The following ANKRD13A variants were observed in gnomAD, a reference collection of about 807,000 sequenced individuals.
The protein encoded by ANKRD13A is ankyrin repeat domain-containing protein 13A.
Under a neutral mutation model 81.3 loss-of-function variants are expected in ANKRD13A, and 48 were observed. The observed-to-expected ratio is 0.59, with a 90% CI of 0.47 to 0.75. The LOEUF (loss-of-function observed/expected upper bound fraction) is 0.75. Ranked by LOEUF, ANKRD13A falls within the 30% of genes least tolerant of loss-of-function variation. The probability of loss-of-function intolerance (pLI) is 0.00; values close to 1 mark genes in which losing one functional copy is unlikely to be tolerated. For missense variants in ANKRD13A, 612 were observed against 734.0 expected (o/e 0.83, Z 1.92); for synonymous variants, 230 against 270.1 (o/e 0.85, Z 1.45).
At chr12:110,010,935 A>G (rs910634804) in intron 1 of ANKRD13A, among the ~76,000 whole-genome samples, 2 of 152,158 alleles carry the variant, frequency 1.3e-5, no homozygotes, top group African/African-American at 4.8e-5. Flanking sequence ...AAGATGTATT[A>G]TGGCATTTAA....
intron 11 of ANKRD13A, 117 bp downstream of exon 11, chr12:110,029,752 A>G: frequency 8.4e-7 from 1 of 1,183,728 alleles, no homozygotes; most frequent in South Asian, 1.4e-5. Flanking sequence ...AGTAGCTTAT[A>G]GACATAACAG....
chr12:110,002,344 C>T (rs904721441), intron 1 of ANKRD13A, among the ~76,000 whole-genome samples: 1 of 152,086 alleles, frequency 6.6e-6, no homozygotes, highest in Non-Finnish European at 1.5e-5. Flanking sequence ...AGTCCGGGCA[C>T]GGTGGCTCAT....
chr12:110,015,170 G>A (rs540512335), intron 3 of ANKRD13A, among the ~76,000 whole-genome samples: 1 of 152,256 alleles, frequency 6.6e-6, no homozygotes, highest in South Asian at 2.1e-4. Context: ...CAGGGCTGCT[G>A]TGGTAGTTTA....
intron 13 of ANKRD13A, among the ~76,000 whole-genome samples, chr12:110,034,409 G>GAAGGGTCTCTAGTGAAACAGAA (rs1168619625): frequency 2.6e-4 from 40 of 152,264 alleles, no homozygotes; most frequent in African/African-American, 9.6e-4. Flanking sequence ...AACAGAAAAT[G>GAAGGGTCTCTAGTGAAACAGAA]AAGGACAGGA....
chr12:110,000,088 T>C (rs1889873258), intron 1 of ANKRD13A, among the ~76,000 whole-genome samples: 1 of 152,224 alleles, frequency 6.6e-6, no homozygotes, highest in East Asian at 1.9e-4. Context: ...GCCGCCCCGC[T>C]GATAAATGCC....
intron 3 of ANKRD13A, 95 bp downstream of exon 3, chr12:110,013,344 A>G: frequency 6.8e-7 from 1 of 1,475,252 alleles, no homozygotes; most frequent in Non-Finnish European, 9.3e-7. Context: ...CTTCCTAAAG[A>G]GTTTTCTGAT....
chr12:110,023,092 G>A (rs1383184053), intron 6 of ANKRD13A, among the ~76,000 whole-genome samples: 2 of 152,206 alleles, frequency 1.3e-5, no homozygotes, highest in Non-Finnish European at 2.9e-5. Context: ...GCTGTTCCCT[G>A]AGCTTCCTGC....
intron 1 of ANKRD13A, among the ~76,000 whole-genome samples, chr12:110,004,112 C>T (rs1473814869): frequency 6.6e-6 from 1 of 151,094 alleles, no homozygotes; most frequent in Non-Finnish European, 1.5e-5. Flanking sequence ...GAGCCAAAAT[C>T]GCACCATTGC....
intron 11 of ANKRD13A, among the ~76,000 whole-genome samples, 173 bp downstream of exon 11, chr12:110,029,808 A>T (rs1243380106): frequency 3.3e-5 from 5 of 152,164 alleles, no homozygotes; most frequent in African/African-American, 1.2e-4. Flanking sequence ...AAGTGTTATG[A>T]TTAGTGGTTC....
Position 109,999,510 on chromosome 12 carries a change from C to G in ANKRD13A, c.-179C>G, listed in dbSNP as rs1251843226. 2 of 325,508 alleles carry G rather than the reference C, an allele frequency of 6.1e-6. No homozygotes were observed. The highest frequency in any genetic ancestry group is 2.2e-5 in the African/African-American group (1 of 45,618). 20.2% of individuals were successfully genotyped at this position (325,508 alleles called of 1,614,324 possible). ...GGCGCGGCCGACCTGGTCCCTGAGCCGGCCGGCGACCCCGGACCTCCCGCG... is the reference window on the plus strand; with the variant it reads ...GGCGCGGCCGACCTGGTCCCTGAGCGGGCCGGCGACCCCGGACCTCCCGCG... On this transcript the variant is annotated 5_prime_UTR_variant, in exon 1 of 15. Coordinates refer to ENST00000261739, the MANE Select transcript of ANKRD13A (RefSeq NM_033121.2). The surrounding 1 kb of genome is among the most constrained non-coding windows in gnomAD (Gnocchi z 4.3).
intron 8 of ANKRD13A, 132 bp downstream of exon 8, chr12:110,025,955 T>G: frequency 1.5e-6 from 1 of 649,428 alleles, no homozygotes; most frequent in Non-Finnish European, 2.5e-6. Context: ...ACTTCTTCTC[T>G]CTCTCTCTCT....
intron 6 of ANKRD13A, chr12:110,021,980 G>C (rs1413171868): frequency 1.3e-5 from 2 of 151,842 alleles, no homozygotes; most frequent in African/African-American, 4.8e-5. Context: ...AGTGGCCTTT[G>C]GTGTGGTCTC....
intron 1 of ANKRD13A, among the ~76,000 whole-genome samples, chr12:110,011,314 C>T (rs571512738): frequency 1.3e-5 from 2 of 152,218 alleles, no homozygotes; most frequent in South Asian, 4.1e-4. Flanking sequence ...AGGTAAGAGC[C>T]AGGTGTGCAT....
At chr12:110,025,650 T>G in intron 7 of ANKRD13A, 92 bp from the exon 8 acceptor site, 1 of 879,450 alleles carries the variant, frequency 1.1e-6, no homozygotes, top group Non-Finnish European at 1.8e-6. Context: ...GATTGTTTTC[T>G]GTTTTTTGCT....
intron 4 of ANKRD13A, among the ~76,000 whole-genome samples, chr12:110,017,988 A>C (rs1253618643): frequency 1.3e-5 from 2 of 152,108 alleles, no homozygotes; most frequent in Non-Finnish European, 2.9e-5. Context: ...GGTGGATATG[A>C]CAATATGGTA....
intron 3 of ANKRD13A, among the ~76,000 whole-genome samples, chr12:110,013,779 G>A (rs190120075): frequency 6.6e-6 from 1 of 151,966 alleles, no homozygotes; most frequent in Non-Finnish European, 1.5e-5. Flanking sequence ...GACAGAGCAA[G>A]ACCTAAAATA....
Position 110,016,426 on chromosome 12 carries a change from C to A in ANKRD13A, c.393C>A (p.Thr131=). 1 of 1,593,686 alleles carries A rather than the reference C, an allele frequency of 6.3e-7. No individual in the cohort carries two copies. The highest frequency in any genetic ancestry group is 8.6e-7 in the Non-Finnish European group (1 of 1,165,942). The change falls in exon 4 of 15, where the codon ACC becomes ACA. Residue 131 remains threonine, a synonymous_variant. Coordinates refer to ENST00000261739, the MANE Select transcript of ANKRD13A (RefSeq NM_033121.2). ...ATGTGCAGATGAAATGGGAATTCAC[C>A]AGCTGGGGTGAGTGGCTGTGGGCTC... is the stretch of plus-strand genomic sequence containing the variant. The part of the protein sequence containing the change: ...DFYVQMKWEF[T]SWVPLVSRIC...
Position 110,018,225 on chromosome 12 carries a change from T to A in ANKRD13A, c.401-120T>A. On this transcript the variant is annotated intron_variant, in intron 4 of 14. Transcript: ENST00000261739. The surrounding 1 kb of genome is among the most constrained non-coding windows in gnomAD (Gnocchi z 4.4). ...TAAATATGAAAGCCAAGAAGTCCGT[T>A]GTTTGATGGTCACCATCTTGCCACT... 9.7e-7 allele frequency: 1 copy of A among 1,033,336 alleles called. No homozygotes were observed. The highest frequency in any genetic ancestry group is 1.9e-5 in the South Asian group (1 of 52,388). 64.0% of individuals were successfully genotyped at this position (1,033,336 alleles called of 1,614,324 possible).
Position 110,033,832 on chromosome 12 carries a change from G to A in ANKRD13A, c.1384G>A (p.Val462Met). The A allele has an allele frequency of 6.2e-7, 1 of 1,609,692 alleles. No individual in the cohort carries two copies. The highest frequency in any genetic ancestry group is 8.5e-7 in the Non-Finnish European group (1 of 1,177,988). Residue 462 changes from valine to methionine, a missense_variant, in exon 13 of 15, where the codon GTG becomes ATG. Transcript: ENST00000261739. ...HITNFEVDQS[V>M]FEIPESYYVQ... Reference sequence around the variant, plus strand: ...CACAAACTTTGAGGTTGATCAATCTGTGTTTGAAATTCCCGAATCTTACTA... The same window carrying A: ...CACAAACTTTGAGGTTGATCAATCTATGTTTGAAATTCCCGAATCTTACTA...
Sources: gnomAD v4.1 joint callset for allele counts (sites outside exome capture counted in the v4.1 genomes callset) on GRCh38, gnomAD v4.1.1 for gene constraint, Gnocchi (gnomAD v3.1) non-coding constraint, MANE v1.5 for transcripts, NCBI Gene and HGNC (gene_info 2026-07-23, HGNC 2026-07-21) for gene names.